Variants in DDHD1 observed in about 807,000 individuals in gnomAD.
DDHD1 encodes the protein DDHD domain containing 1.
DDHD1 carries 49 observed loss-of-function variants against 96.4 expected under a neutral mutation model. The ratio of observed to expected loss-of-function variants is 0.51; its 90% confidence interval spans 0.40 to 0.64. The LOEUF (loss-of-function observed/expected upper bound fraction) is 0.64, where lower values mean the gene tolerates loss of function less well. DDHD1 is among the 30% of genes least tolerant of loss of function. The pLI, the probability that DDHD1 is intolerant of heterozygous loss-of-function variation, is 0.00. For synonymous variants in DDHD1, 442 were observed against 446.5 expected (o/e 0.99, Z 0.13); for missense variants, 1,106 against 1,161.2 (o/e 0.95, Z 0.69).
intron 1 of DDHD1, among the ~76,000 whole-genome samples, chr14:53,134,963 C>G (rs1358470839): frequency 1.3e-5 from 2 of 152,166 alleles, no homozygotes; most frequent in Non-Finnish European, 2.9e-5. Context: ...TCAGTTTAAT[C>G]TCTCCCACTA....
intron 4 of DDHD1, among the ~76,000 whole-genome samples, chr14:53,085,968 A>G (rs1885911848): frequency 6.6e-6 from 1 of 152,224 alleles, no homozygotes; most frequent in Non-Finnish European, 1.5e-5. Context: ...GACCTGATGG[A>G]GCTGAAAACC....
At chr14:53,095,399 A>G (rs1184093093) in intron 2 of DDHD1, among the ~76,000 whole-genome samples, 1 of 152,192 alleles carries the variant, frequency 6.6e-6, no homozygotes. Flanking sequence ...ATAAAAAGAT[A>G]TAGCTCTGGT....
At chr14:53,152,113 G>GAGTTGAATTGTGTAGAT in intron 1 of DDHD1, 148 bp downstream of exon 1, 3 of 833,730 alleles carry the variant, frequency 3.6e-6, no homozygotes, top group Non-Finnish European at 5.4e-6. Flanking sequence ...AGCTGCCGAC[G>GAGTTGAATTGTGTAGAT]CTCCCTGCTC....
At chr14:53,071,956 A>G (rs770907988) in intron 6 of DDHD1, among the ~76,000 whole-genome samples, 1 of 152,014 alleles carries the variant, frequency 6.6e-6, no homozygotes, top group Non-Finnish European at 1.5e-5. Context: ...AAGCCTCAAA[A>G]CCTCTCTTGG....
intron 1 of DDHD1, among the ~76,000 whole-genome samples, chr14:53,133,870 T>C (rs771437527): frequency 6.6e-6 from 1 of 152,132 alleles, no homozygotes. Context: ...CCTCAAATTC[T>C]ACAACCTCGA....
At chr14:53,087,315 T>C (rs1028330157) in intron 4 of DDHD1, among the ~76,000 whole-genome samples, 1 of 152,104 alleles carries the variant, frequency 6.6e-6, no homozygotes, top group Non-Finnish European at 1.5e-5. Flanking sequence ...GCAGACCTAA[T>C]AGACATCTGC....
chr14:53,066,315 C>T (rs140555757), intron 6 of DDHD1, among the ~76,000 whole-genome samples: 266 of 152,190 alleles, frequency 1.7e-3, no homozygotes, highest in African/African-American at 6.2e-3. Flanking sequence ...CCACGCCTGG[C>T]TAATTTTTGA....
chr14:53,085,631 AC>A (rs1381920105), intron 4 of DDHD1, among the ~76,000 whole-genome samples: 1 of 152,042 alleles, frequency 6.6e-6, no homozygotes, highest in Non-Finnish European at 1.5e-5. Context: ...CCACACCAAA[AC>A]CCCATCTGTA....
At chr14:53,102,660 TAA>T (rs1887392084) in intron 2 of DDHD1, among the ~76,000 whole-genome samples, 1 of 62,688 alleles carries the variant, frequency 1.6e-5, no homozygotes, top group Non-Finnish European at 5.0e-5. Context: ...TTCAGAGAGG[TAA>T]GAGAGAGCAA....
intron 9 of DDHD1, among the ~76,000 whole-genome samples, chr14:53,056,310 C>T (rs1230600932): frequency 1.3e-5 from 2 of 152,098 alleles, no homozygotes; most frequent in Non-Finnish European, 2.9e-5. Context: ...TAGATTGATA[C>T]AGTAACAGCA....
intron 1 of DDHD1, among the ~76,000 whole-genome samples, chr14:53,121,922 T>TTAAA (rs35790838): frequency 6.8e-6 from 1 of 146,192 alleles, no homozygotes; most frequent in Admixed American, 6.8e-5. Context: ...CCCAGAACGT[T>TTAAA]AAAAAAAAAA....
At chr14:53,145,555 T>A (rs1320508207) in intron 1 of DDHD1, among the ~76,000 whole-genome samples, 1 of 151,340 alleles carries the variant, frequency 6.6e-6, no homozygotes, top group Non-Finnish European at 1.5e-5. Context: ...TAGTTATTTG[T>A]CCCATATCAT....
At position 53,071,724 on chromosome 14, in the gene DDHD1, A is replaced by G. The variant is rs1320060015; in HGVS notation, c.1503+873T>C. Among the ~76,000 whole-genome samples the G allele has an allele frequency of 2.0e-5, 3 of 152,140 alleles. No homozygotes were observed. The East Asian group carries it at 5.8e-4, about 29-fold the overall frequency. On this transcript the variant is annotated intron_variant, in intron 6 of 12. Transcript: ENST00000673822. ...CTAATGAAGGGTAACAGTCTGCAGT[A>G]AAGTGGCCCCCTGTTAGCTAGTGTT...
At chr14:53,094,613 G>A (rs1382256260) in intron 2 of DDHD1, among the ~76,000 whole-genome samples, 1 of 151,958 alleles carries the variant, frequency 6.6e-6, no homozygotes, top group Non-Finnish European at 1.5e-5. Flanking sequence ...GCTGAGGCAG[G>A]AGGATCACTG....
intron 11 of DDHD1, 68 bp from the exon 12 acceptor site, chr14:53,051,995 A>C: frequency 9.1e-7 from 1 of 1,104,694 alleles, no homozygotes; most frequent in Non-Finnish European, 1.3e-6. Context: ...TCAATGATGT[A>C]GTGGCCAAAA....
At chr14:53,118,833 G>A (rs1340196025) in intron 1 of DDHD1, among the ~76,000 whole-genome samples, 2 of 152,116 alleles carry the variant, frequency 1.3e-5, no homozygotes, top group African/African-American at 4.8e-5. Flanking sequence ...TCCTCTTCGA[G>A]AAGAGCAACC....
chr14:53,151,997 G>A (rs1891418321), intron 1 of DDHD1, among the ~76,000 whole-genome samples: 1 of 152,162 alleles, frequency 6.6e-6, no homozygotes, highest in African/African-American at 2.4e-5. Context: ...TCACTTCCAG[G>A]GGATGGCAGC....
Position 53,038,205 on chromosome 14 carries a change from G to A in DDHD1, c.*8563C>T, listed in dbSNP as rs560264929. On this transcript the variant is annotated 3_prime_UTR_variant, in exon 13 of 13. Coordinates refer to ENST00000673822, the MANE Select transcript of DDHD1 (RefSeq NM_001160148.2). ...ATCAGGCAAGAGAAATAAATAAAAGGCATCCAACTGGGAAAAGAAATCAAA... is the reference window on the plus strand; with the variant it reads ...ATCAGGCAAGAGAAATAAATAAAAGACATCCAACTGGGAAAAGAAATCAAA... 48 of 152,104 alleles carry A rather than the reference G, an allele frequency of 3.2e-4. No homozygotes were observed. The highest frequency in any genetic ancestry group is 1.1e-3 in the African/African-American group (47 of 41,530). 9.4% of individuals were successfully genotyped at this position (152,104 alleles called of 1,614,324 possible). A position where few individuals can be genotyped will look rare whatever the true frequency, so the allele number is the denominator to read the frequency against.
At chr14:53,123,007 G>A (rs1889122754) in intron 1 of DDHD1, among the ~76,000 whole-genome samples, 1 of 151,590 alleles carries the variant, frequency 6.6e-6, no homozygotes, top group South Asian at 2.1e-4. Context: ...AGATTCACCG[G>A]TAATGAGAGA....
Sources: gnomAD v4.1 joint callset for allele counts (sites outside exome capture counted in the v4.1 genomes callset) on GRCh38, gnomAD v4.1.1 for gene constraint, MANE v1.5 for transcripts, NCBI Gene and HGNC (gene_info 2026-07-23, HGNC 2026-07-21) for gene names.